Variants in ZFHX3 observed in about 807,000 individuals in gnomAD.
ZFHX3 encodes the protein zinc finger homeobox protein 3.
A neutral mutation model predicts 279.1 loss-of-function variants in ZFHX3; 42 were observed. The ratio of observed to expected loss-of-function variants is 0.15; its 90% CI spans 0.12 to 0.19. The LOEUF (loss-of-function observed/expected upper bound fraction) is 0.19. Among genes scored for constraint, ZFHX3 ranks in the 10% least tolerant of loss-of-function variants. ZFHX3 has a pLI of 1.00. For synonymous variants in ZFHX3, 2,293 were observed against 1,957.8 expected (o/e 1.17, Z -4.52); for missense variants, 4,981 against 4,754.0 (o/e 1.05, Z -1.40).
At chr16:73,510,443 A>G (rs1447965479) in intron 2 of ZFHX3, among the ~76,000 whole-genome samples, 1 of 152,186 alleles carries the variant, frequency 6.6e-6, no homozygotes, top group Non-Finnish European at 1.5e-5. Context: ...ATGACATTTC[A>G]TATGGACCAT....
At chr16:73,333,447 TACATAGAC>T (rs1264434361) in intron 3 of ZFHX3, among the ~76,000 whole-genome samples, 6 of 152,014 alleles carry the variant, frequency 3.9e-5, no homozygotes, top group Non-Finnish European at 8.8e-5. Flanking sequence ...GATACACAGA[TACATAGAC>T]ACATAGATAA....
At chr16:72,933,813 CTTTTTTTT>C (rs71391468) in intron 3 of ZFHX3, among the ~76,000 whole-genome samples, 12,342 of 112,258 alleles carry the variant, frequency 0.11, 566 homozygotes, top group African/African-American at 0.17. Flanking sequence ...TCACAACTTT[CTTTTTTTT>C]TTTTTTTTTT....
chr16:73,130,212 A>C (rs1479958840), intron 7 of ZFHX3, among the ~76,000 whole-genome samples: 2 of 152,148 alleles, frequency 1.3e-5, no homozygotes, highest in Non-Finnish European at 2.9e-5. Flanking sequence ...GAGCTCCTCT[A>C]ACCTAACCCA....
At chr16:73,864,265 A>C (rs1961954733) in intron 1 of ZFHX3, among the ~76,000 whole-genome samples, 1 of 152,112 alleles carries the variant, frequency 6.6e-6, no homozygotes, top group Non-Finnish European at 1.5e-5. Flanking sequence ...TTCCCTATTA[A>C]CGTAGTCAAC....
chr16:73,872,576 T>C (rs569812706), intron 1 of ZFHX3, among the ~76,000 whole-genome samples: 6 of 151,632 alleles, frequency 4.0e-5, no homozygotes, highest in Admixed American at 2.6e-4. Context: ...TCATTTTCCT[T>C]GGCTCTGCAT....
At chr16:73,590,951 C>A (rs2051988359) in intron 2 of ZFHX3, among the ~76,000 whole-genome samples, 2 of 152,106 alleles carry the variant, frequency 1.3e-5, no homozygotes, top group African/African-American at 4.8e-5. Context: ...GCCTGTAGAT[C>A]TAACTATGAA....
At chr16:73,381,595 CTAG>C (rs2016819094) in intron 3 of ZFHX3, among the ~76,000 whole-genome samples, 2 of 152,264 alleles carry the variant, frequency 1.3e-5, no homozygotes, top group East Asian at 3.9e-4. Context: ...GCACCAATGG[CTAG>C]TCATCTAGAG....
At chr16:73,673,044 T>TCCCACACA (rs1304282067) in intron 2 of ZFHX3, among the ~76,000 whole-genome samples, 1 of 152,156 alleles carries the variant, frequency 6.6e-6, no homozygotes, top group Non-Finnish European at 1.5e-5. Context: ...CTCCCATCAG[T>TCCCACACA]CTACATTTGG....
rs973865859 is a variant in ZFHX3 at position 73,460,722 on chromosome 16, T to C, written c.-1546-4464A>G. ...GGCCTGGGTGCAGCTAATTGGATCATGAGGGCAGTTTCTCATGAATGCTTT... is the reference window on the plus strand; with the variant it reads ...GGCCTGGGTGCAGCTAATTGGATCACGAGGGCAGTTTCTCATGAATGCTTT... On this transcript the variant is annotated intron_variant, in intron 2 of 17. Coordinates refer to the ZFHX3 transcript ENST00000641206. 7.2e-5 allele frequency among the ~76,000 whole-genome samples: 11 copies of C among 152,224 alleles called. No homozygotes were observed. The South Asian group carries it at 1.5e-3, about 20-fold the overall frequency.
chr16:73,823,230 T>C (rs181021362), intron 1 of ZFHX3, among the ~76,000 whole-genome samples: 1 of 151,948 alleles, frequency 6.6e-6, no homozygotes, highest in East Asian at 1.9e-4. Flanking sequence ...TACACCAAAG[T>C]AGGAGTTAAT....
intron 1 of ZFHX3, among the ~76,000 whole-genome samples, chr16:72,965,869 G>A (rs777895195): frequency 3.3e-5 from 5 of 152,168 alleles, no homozygotes; most frequent in Admixed American, 2.0e-4. Flanking sequence ...AGGAATTAGC[G>A]ATTAGCTGTA....
rs142389327 is a variant in ZFHX3, at chr16:73,113,508, T to C, written c.-897+17460A>G. ...ACATGACAGCCTGGAGAATGAGGCA[T>C]CCTTCGAGGCCTTGCTTTAATGTGA... On this transcript the variant is annotated intron_variant, in intron 7 of 17. Transcript: ENST00000641206. Among the ~76,000 whole-genome samples, 510 of 152,296 alleles carry C rather than the reference T, an allele frequency of 3.3e-3. 6 individuals are homozygous for C. Among genetic ancestry groups the C allele is most frequent in the African/African-American group, 0.011 (465 of 41,568 alleles).
At chr16:73,156,887 T>C (rs1178462513) in intron 5 of ZFHX3, among the ~76,000 whole-genome samples, 2 of 152,178 alleles carry the variant, frequency 1.3e-5, no homozygotes, top group Non-Finnish European at 2.9e-5. Context: ...CTAATTTATA[T>C]ATTTTTAGCA....
rs562275548 is a variant in ZFHX3 at position 73,453,795 on chromosome 16, G to A, written c.-1291+2208C>T. On this transcript the variant is annotated intron_variant, in intron 3 of 17. Transcript: ENST00000641206. ...AGGTGAAAAGCATGTCTTACATGGC[G>A]GCAGATAAGAGAATTTGTGCAGGGA... is the stretch of plus-strand genomic sequence containing the variant. 1.2e-4 allele frequency among the ~76,000 whole-genome samples: 19 copies of A among 152,264 alleles called. No homozygotes were observed. In the South Asian group the frequency reaches 2.9e-3, roughly 23 times the overall value.
chr16:72,893,693 T>C (rs2038825844), intron 3 of ZFHX3, among the ~76,000 whole-genome samples: 2 of 152,120 alleles, frequency 1.3e-5, no homozygotes, highest in South Asian at 4.1e-4. Context: ...TTACAAATAG[T>C]GGAGAAAAGA....
chr16:73,856,855 T>C (rs959518995), intron 1 of ZFHX3, among the ~76,000 whole-genome samples: 5 of 152,188 alleles, frequency 3.3e-5, no homozygotes, highest in African/African-American at 9.7e-5. Flanking sequence ...CCAGAAACTG[T>C]ATAAAGCATA....
intron 1 of ZFHX3, among the ~76,000 whole-genome samples, chr16:72,989,787 C>A (rs1353291724): frequency 1.3e-5 from 2 of 152,210 alleles, no homozygotes; most frequent in African/African-American, 4.8e-5. Context: ...CTCCACCCTG[C>A]ATGAATTTCC....
At chr16:73,830,605 A>G (rs1041063045) in intron 1 of ZFHX3, among the ~76,000 whole-genome samples, 19 of 152,146 alleles carry the variant, frequency 1.2e-4, no homozygotes, top group Non-Finnish European at 1.9e-4. Flanking sequence ...GAAAATTCCC[A>G]TATCTGAGAT....
chr16:73,378,955 G>T (rs2016772988), intron 3 of ZFHX3, among the ~76,000 whole-genome samples: 1 of 152,016 alleles, frequency 6.6e-6, no homozygotes, highest in South Asian at 2.1e-4. Context: ...TGTTCTAACT[G>T]AAGTGTAAAA....
Sources: gnomAD v4.1 joint callset for allele counts (sites outside exome capture counted in the v4.1 genomes callset) on GRCh38, gnomAD v4.1.1 for gene constraint, MANE v1.5 for transcripts, NCBI Gene and HGNC (gene_info 2026-07-23, HGNC 2026-07-21) for gene names.